Variants in RAB3B observed in about 807,000 individuals in gnomAD.
The protein encoded by RAB3B is ras-related protein Rab-3B.
Under a neutral mutation model 20.5 loss-of-function variants are expected in RAB3B, and 11 were observed. The observed-to-expected ratio is 0.54, with a 90% CI of 0.34 to 0.89. The LOEUF (loss-of-function observed/expected upper bound fraction) is 0.89, where lower values mean the gene tolerates loss of function less well. RAB3B is among the 40% of genes least tolerant of loss of function. The pLI, the probability that RAB3B is intolerant of heterozygous loss-of-function variation, is 0.02. For synonymous variants in RAB3B, 99 were observed against 106.3 expected, an observed-to-expected ratio of 0.93 and a Z score of 0.42; for missense variants, 225 against 280.9, an observed-to-expected ratio of 0.80 and a Z score of 1.42.
chr1:51,956,258 G>A (rs1485041599), intron 2 of RAB3B, among the ~76,000 whole-genome samples: 1 of 152,128 alleles, frequency 6.6e-6, no homozygotes, highest in East Asian at 1.9e-4. Context: ...AGTAATAATT[G>A]TTATAATCAA....
At chr1:51,961,519 T>C (rs1300804564) in intron 2 of RAB3B, among the ~76,000 whole-genome samples, 1 of 152,144 alleles carries the variant, frequency 6.6e-6, no homozygotes, top group Non-Finnish European at 1.5e-5. Context: ...ATGTGCTATT[T>C]TCCAGGCTTG....
chr1:51,943,715 G>A (rs953657771), intron 2 of RAB3B, among the ~76,000 whole-genome samples: 3 of 152,196 alleles, frequency 2.0e-5, no homozygotes, highest in Admixed American at 1.3e-4. Flanking sequence ...GATCAAACTA[G>A]CCACAATCTT....
At position 51,912,424 on chromosome 1, in the gene RAB3B, G is replaced by A. The variant is rs1217511286; in HGVS notation, c.*7503C>T. On this transcript the variant is annotated 3_prime_UTR_variant, in exon 5 of 5. Transcript: ENST00000371655. ...TTTAGATTTTTAAGAGATTGCCATT[G>A]AGGCTGGATGCGGTGGCTCATACGT... 1.3e-5 allele frequency: 2 copies of A among 149,636 alleles called. No individual in the cohort carries two copies. The highest frequency in any genetic ancestry group is 6.7e-5 in the Admixed American group (1 of 15,004). 9.3% of individuals were successfully genotyped at this position (149,636 alleles called of 1,614,324 possible). A position where few individuals can be genotyped will look rare whatever the true frequency, so the allele number is the denominator to read the frequency against.
At chr1:51,977,249 T>C in intron 1 of RAB3B, 132 bp from the exon 2 acceptor site, 1 of 679,676 alleles carries the variant, frequency 1.5e-6, no homozygotes, top group South Asian at 1.8e-5. Flanking sequence ...TGCACACTAC[T>C]CAGAATCACC....
intron 2 of RAB3B, among the ~76,000 whole-genome samples, chr1:51,958,294 C>T (rs1684737134): frequency 6.6e-6 from 1 of 152,186 alleles, no homozygotes; most frequent in South Asian, 2.1e-4. Flanking sequence ...ACCCTTTACC[C>T]TCTGGGCCTC....
chr1:51,981,025 T>TTTTAC (rs1685080867), intron 1 of RAB3B, among the ~76,000 whole-genome samples: 1 of 152,024 alleles, frequency 6.6e-6, no homozygotes, highest in South Asian at 2.1e-4. Context: ...TTATTATTAT[T>TTTTAC]TTTATTTTAT....
intron 2 of RAB3B, among the ~76,000 whole-genome samples, chr1:51,969,993 C>G (rs1684906007): frequency 6.6e-6 from 1 of 151,730 alleles, no homozygotes; most frequent in African/African-American, 2.4e-5. Flanking sequence ...TCACCTGAAG[C>G]CAGGAGGCAG....
chr1:51,966,376 A>G (rs1264140560), intron 2 of RAB3B, among the ~76,000 whole-genome samples: 1 of 152,174 alleles, frequency 6.6e-6, no homozygotes, highest in Non-Finnish European at 1.5e-5. Context: ...CTCTCATGAC[A>G]GTGCCTCGCA....
intron 2 of RAB3B, 139 bp downstream of exon 2, chr1:51,976,751 C>A (rs913891194): frequency 1.4e-6 from 1 of 721,226 alleles, no homozygotes; most frequent in Non-Finnish European, 2.3e-6. Context: ...AGAGGGTAGC[C>A]CAGGGGCCAC....
chr1:51,951,952 T>C (rs944966883), intron 2 of RAB3B, among the ~76,000 whole-genome samples: 1 of 152,250 alleles, frequency 6.6e-6, no homozygotes, highest in African/African-American at 2.4e-5. Flanking sequence ...TCTGTAATCC[T>C]ATCTAATCTT....
chr1:51,950,362 C>T (rs1036201183), intron 2 of RAB3B, among the ~76,000 whole-genome samples: 4 of 152,208 alleles, frequency 2.6e-5, no homozygotes, highest in African/African-American at 9.7e-5. Context: ...GTTTGTTTTT[C>T]TGTCTCCTCT....
chr1:51,948,758 A>G (rs1167648015), intron 2 of RAB3B, among the ~76,000 whole-genome samples: 1 of 151,948 alleles, frequency 6.6e-6, no homozygotes, highest in Admixed American at 6.6e-5. Flanking sequence ...CCTTTGTACC[A>G]CTCACTCCCA....
intron 1 of RAB3B, among the ~76,000 whole-genome samples, chr1:51,989,208 T>TTGTGTGTG (rs60661761): frequency 0.023 from 2,301 of 99,836 alleles, 92 homozygotes; most frequent in African/African-American, 0.078. Context: ...CCATCTTGTT[T>TTGTGTGTG]TGTGTGTGTG....
intron 2 of RAB3B, among the ~76,000 whole-genome samples, chr1:51,967,521 C>CTTTTCTTTTTTTTTTTTTTTTTTT (rs1684870734): frequency 2.7e-5 from 1 of 36,496 alleles, no homozygotes; most frequent in East Asian, 1.5e-3. Flanking sequence ...TTTTCTTTTT[C>CTTTTCTTTTTTTTTTTTTTTTTTT]TTTTTTTTTT....
At chr1:51,970,914 G>C (rs1684921148) in intron 2 of RAB3B, among the ~76,000 whole-genome samples, 1 of 151,346 alleles carries the variant, frequency 6.6e-6, no homozygotes, top group Non-Finnish European at 1.5e-5. Flanking sequence ...GGGAGACTGA[G>C]GCAGGAGAAT....
At chr1:51,967,515 CTTTTTCTTT>C (rs1318876863) in intron 2 of RAB3B, among the ~76,000 whole-genome samples, 201 of 16,432 alleles carry the variant, frequency 0.012, 6 homozygotes, top group African/African-American at 0.018. Context: ...CTTTTCTTTT[CTTTTTCTTT>C]TTTTTTTTTT....
chr1:51,928,591 G>A (rs182210936), intron 4 of RAB3B, among the ~76,000 whole-genome samples: 82 of 152,296 alleles, frequency 5.4e-4, no homozygotes, highest in African/African-American at 1.9e-3. Flanking sequence ...TAGTCACTGG[G>A]TGAGGGTGAG....
At chr1:51,986,891 G>A (rs1396664479) in intron 1 of RAB3B, among the ~76,000 whole-genome samples, 1 of 152,224 alleles carries the variant, frequency 6.6e-6, no homozygotes, top group African/African-American at 2.4e-5. Flanking sequence ...AGCTGCCTGA[G>A]GCAGATCTAA....
intron 2 of RAB3B, among the ~76,000 whole-genome samples, chr1:51,953,190 C>A (rs1684663014): frequency 6.6e-6 from 1 of 152,120 alleles, no homozygotes; most frequent in Non-Finnish European, 1.5e-5. Flanking sequence ...GTTGCCAATC[C>A]ATTTCCTCAT....
Sources: allele counts gnomAD v4.1 joint callset (sites outside exome capture counted in the v4.1 genomes callset), GRCh38; gene constraint gnomAD v4.1.1; transcripts MANE v1.5; gene names NCBI Gene and HGNC (gene_info 2026-07-23, HGNC 2026-07-21).